MYO16: variants seen among roughly 807,000 people sequenced by gnomAD.
MYO16 encodes unconventional myosin-XVI.
Under a neutral mutation model 205.3 loss-of-function variants are expected in MYO16, and 94 were observed. The ratio of observed to expected loss-of-function variants is 0.46; its 90% CI spans 0.39 to 0.54. MYO16 has a LOEUF of 0.54. MYO16 is among the 20% of genes least tolerant of loss of function. The pLI is 0.00. For synonymous variants in MYO16, 988 were observed against 954.0 expected, an observed-to-expected ratio of 1.04 and a Z score of -0.66; for missense variants, 2,315 against 2,387.5, an observed-to-expected ratio of 0.97 and a Z score of 0.63.
rs142962917 is a variant in MYO16 at position 109,006,497 on chromosome 13, C to T, written c.2443-2400C>T. On this transcript the variant is annotated intron_variant, in intron 21 of 34. Transcript: ENST00000457511. The stretch of plus-strand genomic sequence containing the variant: ...TCAGGTGATCCACCCACCTCAGCCT[C>T]CCAAAGTGCTGGGGTTACAGGTGTG... 8.7e-4 allele frequency among the ~76,000 whole-genome samples: 133 copies of T among 152,260 alleles called. 2 individuals carry two copies. The East Asian group carries it at 0.022, about 25-fold the overall frequency.
At chr13:108,548,460 T>G in the MYO16 span, among the ~76,000 whole-genome samples, 1 of 151,048 alleles carries the variant, frequency 6.6e-6, no homozygotes, top group Non-Finnish European at 1.5e-5. Context: ...GGTGGTGGTC[T>G]TGGTGGTGAA....
chr13:108,956,927 G>A (rs753537136), intron 16 of MYO16, among the ~76,000 whole-genome samples: 36 of 152,004 alleles, frequency 2.4e-4, no homozygotes, highest in Admixed American at 9.2e-4. Context: ...TAGGTGATTC[G>A]TACATGTTTG....
At chr13:108,743,843 C>T (rs1884981490) in intron 4 of MYO16, among the ~76,000 whole-genome samples, 1 of 152,174 alleles carries the variant, frequency 6.6e-6, no homozygotes, top group Admixed American at 6.5e-5. Flanking sequence ...AGATCAAAAT[C>T]CAATCATTCC....
the MYO16 span, among the ~76,000 whole-genome samples, chr13:108,556,158 G>A: frequency 6.6e-6 from 1 of 151,862 alleles, no homozygotes; most frequent in Non-Finnish European, 1.5e-5. Flanking sequence ...ATATATATCT[G>A]GTAGTAAGAC....
intron 1 of MYO16, among the ~76,000 whole-genome samples, chr13:108,648,627 GA>G (rs1880860669): frequency 6.6e-6 from 1 of 151,774 alleles, no homozygotes. Flanking sequence ...CCTACTTGTT[GA>G]AATAAGCTAT....
chr13:108,816,545 G>A (rs989137103), intron 7 of MYO16, among the ~76,000 whole-genome samples: 2 of 152,036 alleles, frequency 1.3e-5, no homozygotes, highest in Admixed American at 1.3e-4. Context: ...CTGTGCAACC[G>A]CAAGGTCACA....
chr13:108,719,883 A>C (rs902787229), intron 3 of MYO16, among the ~76,000 whole-genome samples: 28 of 152,214 alleles, frequency 1.8e-4, no homozygotes, highest in African/African-American at 6.5e-4. Context: ...TACAGCTGGA[A>C]TATAGTGTTG....
chr13:108,720,731 G>A (rs1884131912), intron 3 of MYO16, among the ~76,000 whole-genome samples: 1 of 152,144 alleles, frequency 6.6e-6, no homozygotes, highest in South Asian at 2.1e-4. Flanking sequence ...GAAGAGAAGG[G>A]GAAGCTTGCA....
rs535797461 is a variant in MYO16 at position 109,190,365 on chromosome 13, G to A, written c.5415+10732G>A. On this transcript the variant is annotated intron_variant, in intron 34 of 34. Coordinates refer to ENST00000457511, the MANE Select transcript of MYO16 (RefSeq NM_001198950.3). The stretch of plus-strand genomic sequence containing the variant: ...CATGCTTCTGCTTCCTCCTAACACT[G>A]AGTATGTCACCTCAGTGACATATAA... 2.6e-5 allele frequency among the ~76,000 whole-genome samples: 4 copies of A among 152,260 alleles called. No homozygotes were observed. In the East Asian group the frequency reaches 7.7e-4, roughly 29 times the overall value.
chr13:108,769,794 A>G (rs1374477165), intron 4 of MYO16, among the ~76,000 whole-genome samples: 3 of 152,166 alleles, frequency 2.0e-5, no homozygotes, highest in African/African-American at 7.2e-5. Context: ...GAATTTCCTT[A>G]TCTGGGGCTA....
intron 7 of MYO16, among the ~76,000 whole-genome samples, chr13:108,817,692 C>T (rs75193007): frequency 0.021 from 3,243 of 152,300 alleles, 59 homozygotes; most frequent in Non-Finnish European, 0.029. Context: ...AGAAATACAG[C>T]TAAGACGGCT....
intron 6 of MYO16, among the ~76,000 whole-genome samples, chr13:108,804,700 T>A (rs1399517568): frequency 1.3e-5 from 2 of 152,176 alleles, no homozygotes; most frequent in Non-Finnish European, 2.9e-5. Flanking sequence ...TGTGATTAAG[T>A]AGAAGTATTC....
At chr13:109,097,198 G>A (rs1045388661) in intron 27 of MYO16, among the ~76,000 whole-genome samples, 26 of 152,070 alleles carry the variant, frequency 1.7e-4, no homozygotes, top group Non-Finnish European at 2.5e-4. Flanking sequence ...GCGTGGTGGC[G>A]GGCACCATTA....
chr13:108,803,367 A>G (rs9521058), intron 6 of MYO16, among the ~76,000 whole-genome samples: 98,522 of 152,064 alleles, frequency 0.65, 33,414 homozygotes, highest in East Asian at 0.77. Flanking sequence ...TTTATTTGGG[A>G]AAATGAAAAT....
intron 1 of MYO16, among the ~76,000 whole-genome samples, chr13:108,614,369 C>A (rs143569496): frequency 4.9e-4 from 75 of 152,020 alleles, no homozygotes; most frequent in African/African-American, 1.8e-3. Flanking sequence ...GATTGAAAGA[C>A]ATTATATTGG....
At chr13:109,185,239 A>C (rs58198934) in intron 34 of MYO16, among the ~76,000 whole-genome samples, 43,046 of 152,046 alleles carry the variant, frequency 0.28, 6,423 homozygotes, top group African/African-American at 0.33. Context: ...ATATTAATTT[A>C]ATTGGTTTTT....
intron 7 of MYO16, among the ~76,000 whole-genome samples, chr13:108,814,387 A>G (rs1887386020): frequency 6.6e-6 from 1 of 151,418 alleles, no homozygotes; most frequent in Admixed American, 6.6e-5. Context: ...TCCTGCCTTA[A>G]TTTTTCCCTA....
intron 13 of MYO16, among the ~76,000 whole-genome samples, chr13:108,884,293 G>A (rs887329272): frequency 6.6e-6 from 1 of 152,240 alleles, no homozygotes; most frequent in African/African-American, 2.4e-5. Context: ...ACAGACTGAT[G>A]GGCGCACACT....
chr13:109,075,905 G>C (rs893298209), intron 27 of MYO16, among the ~76,000 whole-genome samples: 8 of 152,134 alleles, frequency 5.3e-5, no homozygotes, highest in Non-Finnish European at 1.2e-4. Flanking sequence ...TTTCTTAACT[G>C]TTTGATAGAA....
Sources: gnomAD v4.1 joint callset for allele counts (sites outside exome capture counted in the v4.1 genomes callset) on GRCh38, gnomAD v4.1.1 for gene constraint, MANE v1.5 for transcripts, NCBI Gene and HGNC (gene_info 2026-07-23, HGNC 2026-07-21) for gene names.